The following ATXN1 variants were observed in gnomAD, a reference collection of about 807,000 sequenced individuals.
ATXN1 encodes the protein ataxin 1.
In ATXN1, 8 loss-of-function variants were observed where a neutral mutation model predicts 56.4. The ratio of observed to expected loss-of-function variants is 0.14; its 90% confidence interval spans 0.08 to 0.26. The LOEUF is 0.26. ATXN1 is among the 10% of genes least tolerant of loss of function. ATXN1 has a pLI of 1.00. For missense variants in ATXN1, 987 were observed against 1,106.5 expected (o/e 0.89, Z 1.53); for synonymous variants, 514 against 494.6 (o/e 1.04, Z -0.52).
At chr6:16,555,770 A>T (rs1042971956) in intron 4 of ATXN1, among the ~76,000 whole-genome samples, 5 of 152,198 alleles carry the variant, frequency 3.3e-5, no homozygotes, top group African/African-American at 1.2e-4. Context: ...GAGTCAGCCT[A>T]AACTCCTTTT....
chr6:16,760,071 G>T lies in ATXN1; in HGVS notation c.-730+1227C>A, dbSNP rs889453176. On this transcript the variant is annotated intron_variant, in intron 1 of 7. Coordinates refer to ENST00000436367, the MANE Select transcript of ATXN1 (RefSeq NM_001128164.2). This position sits in a 1 kb window ranked among gnomAD's most constrained non-coding sequence, Gnocchi z 5.3. ...CACCGCCTCACCTCTCGCTCCGCCCGTCCGGCCCCCTTCCCTGCCCCCTGC... is the reference window on the plus strand; with the variant it reads ...CACCGCCTCACCTCTCGCTCCGCCCTTCCGGCCCCCTTCCCTGCCCCCTGC... Among the ~76,000 whole-genome samples, 1 of 152,010 alleles carries T rather than the reference G, an allele frequency of 6.6e-6. No homozygotes were observed. The highest frequency in any genetic ancestry group is 6.5e-5 in the Admixed American group (1 of 15,270).
chr6:16,347,381 G>A (rs1420960671), intron 6 of ATXN1, among the ~76,000 whole-genome samples: 1 of 152,222 alleles, frequency 6.6e-6, no homozygotes, highest in African/African-American at 2.4e-5. Context: ...TCTAGCTCAA[G>A]GTTTGTAAAC....
intron 6 of ATXN1, among the ~76,000 whole-genome samples, chr6:16,358,072 G>A (rs1271886985): frequency 2.0e-5 from 3 of 152,086 alleles, no homozygotes; most frequent in African/African-American, 7.2e-5. Flanking sequence ...AAGGCAAGAA[G>A]AGCAAACACC....
chr6:16,408,283 T>G (rs1758727713), intron 6 of ATXN1, among the ~76,000 whole-genome samples: 1 of 152,100 alleles, frequency 6.6e-6, no homozygotes, highest in African/African-American at 2.4e-5. Context: ...GATAATAACA[T>G]TCGAGAAGGG....
chr6:16,613,271 C>CAAAAAAAAAA (rs765813165), intron 3 of ATXN1, among the ~76,000 whole-genome samples: 24 of 52,510 alleles, frequency 4.6e-4, no homozygotes, highest in African/African-American at 1.5e-3. Flanking sequence ...GACTCCGTCT[C>CAAAAAAAAAA]AAAAAAAAAA....
intron 4 of ATXN1, among the ~76,000 whole-genome samples, chr6:16,538,583 T>TC (rs983280000): frequency 2.1e-5 from 2 of 93,352 alleles, no homozygotes; most frequent in African/African-American, 4.1e-5. Context: ...CCTTCCCCCC[T>TC]CCCCCCACCC....
At chr6:16,578,937 T>C (rs766020317) in intron 4 of ATXN1, among the ~76,000 whole-genome samples, 24 of 152,220 alleles carry the variant, frequency 1.6e-4, no homozygotes, top group African/African-American at 5.5e-4. Context: ...TCCCATCTTA[T>C]TGCCCAATTC....
chr6:16,711,891 A>C (rs1225354315), intron 2 of ATXN1, among the ~76,000 whole-genome samples: 1 of 152,182 alleles, frequency 6.6e-6, no homozygotes, highest in Admixed American at 6.5e-5. Flanking sequence ...AGCATTTTTT[A>C]AATTAACTGT....
intron 6 of ATXN1, among the ~76,000 whole-genome samples, chr6:16,367,968 G>A (rs951790199): frequency 2.5e-4 from 38 of 152,086 alleles, no homozygotes; most frequent in Admixed American, 7.9e-4. Context: ...AGGAGTTCGA[G>A]ACCAGCTTGG....
intron 6 of ATXN1, among the ~76,000 whole-genome samples, chr6:16,347,075 G>C (rs1339593282): frequency 6.6e-6 from 1 of 152,228 alleles, no homozygotes; most frequent in African/African-American, 2.4e-5. Flanking sequence ...CTGCCTTCTG[G>C]CGGGCAGGGC....
chr6:16,509,765 C>G (rs185301670), intron 5 of ATXN1, among the ~76,000 whole-genome samples: 3 of 152,260 alleles, frequency 2.0e-5, no homozygotes, highest in African/African-American at 7.2e-5. Context: ...TTGCTGGTTC[C>G]TCTTCGCTTC....
Position 16,428,360 on chromosome 6 carries a change from C to T in ATXN1, c.-161+57612G>A, listed in dbSNP as rs898949012. Among the ~76,000 whole-genome samples the T allele has an allele frequency of 3.3e-5, 5 of 152,126 alleles. No individual in the cohort carries two copies. The East Asian group carries it at 9.7e-4, about 29-fold the overall frequency. On this transcript the variant is annotated intron_variant, in intron 6 of 7. Coordinates refer to ENST00000436367, the MANE Select transcript of ATXN1 (RefSeq NM_001128164.2). ...TCTCAAACTCCTGACCTCAGGCGAT[C>T]CACCTGCCTCGGCCTCCCAAAGTGT...
chr6:16,549,286 G>C (rs1411176772), intron 4 of ATXN1, among the ~76,000 whole-genome samples: 1 of 152,104 alleles, frequency 6.6e-6, no homozygotes, highest in Non-Finnish European at 1.5e-5. Context: ...CGAATTGCAT[G>C]TGCTCTACTC....
At chr6:16,536,437 G>T (rs574868756) in intron 4 of ATXN1, among the ~76,000 whole-genome samples, 34 of 152,246 alleles carry the variant, frequency 2.2e-4, no homozygotes, top group African/African-American at 8.2e-4. Context: ...GCAAGTTTAT[G>T]GGTGTTCACT....
chr6:16,440,270 C>T (rs1156356473), intron 6 of ATXN1, among the ~76,000 whole-genome samples: 1 of 149,830 alleles, frequency 6.7e-6, no homozygotes, highest in Admixed American at 6.6e-5. Context: ...CAGAGACATG[C>T]CCCCAAAACA....
intron 6 of ATXN1, among the ~76,000 whole-genome samples, chr6:16,448,392 C>T (rs1759676418): frequency 1.3e-5 from 2 of 152,180 alleles, no homozygotes; most frequent in Non-Finnish European, 2.9e-5. Flanking sequence ...GCTGATGTTA[C>T]ACCACAAAGT....
intron 2 of ATXN1, among the ~76,000 whole-genome samples, chr6:16,742,276 A>C (rs1760366034): frequency 6.6e-6 from 1 of 152,220 alleles, no homozygotes; most frequent in Non-Finnish European, 1.5e-5. Context: ...CCACTTCCTT[A>C]GATGAAGGCT....
chr6:16,455,179 G>A lies in ATXN1; in HGVS notation c.-161+30793C>T, dbSNP rs149896094. On this transcript the variant is annotated intron_variant, in intron 6 of 7. Coordinates refer to ENST00000436367, the MANE Select transcript of ATXN1 (RefSeq NM_001128164.2). ...ACCAGGTAGTAAGACTCATCTTGAT[G>A]TAAAAAAGAAGTAACCACACAACAG... is the stretch of plus-strand genomic sequence containing the variant. 2.5e-3 allele frequency among the ~76,000 whole-genome samples: 383 copies of A among 152,256 alleles called. 1 individual carries two copies. The highest frequency in any genetic ancestry group is 8.6e-3 in the African/African-American group (357 of 41,548).
intron 5 of ATXN1, among the ~76,000 whole-genome samples, chr6:16,519,686 G>A (rs923877058): frequency 6.6e-6 from 1 of 152,120 alleles, no homozygotes; most frequent in Non-Finnish European, 1.5e-5. Context: ...TGACAGAGCC[G>A]CTGTGCCACA....
Sources: gnomAD v4.1 joint callset for allele counts (sites outside exome capture counted in the v4.1 genomes callset) on GRCh38, gnomAD v4.1.1 for gene constraint, Gnocchi (gnomAD v3.1) non-coding constraint, MANE v1.5 for transcripts, NCBI Gene and HGNC (gene_info 2026-07-23, HGNC 2026-07-21) for gene names.